CYB5R3: variants seen among roughly 807,000 people sequenced by gnomAD.
CYB5R3 encodes the protein NADH-cytochrome b5 reductase 3.
A neutral mutation model predicts 36.5 loss-of-function variants in CYB5R3; 28 were observed. The ratio of observed to expected loss-of-function variants is 0.77; its 90% CI spans 0.57 to 1.05. The LOEUF is 1.05. Ranked by LOEUF, CYB5R3 falls within the 50% of genes least tolerant of loss-of-function variation. The probability of loss-of-function intolerance (pLI) is 0.00; values close to 1 mark genes in which losing one functional copy is unlikely to be tolerated. For missense variants in CYB5R3, 474 were observed against 408.9 expected (o/e 1.16, Z -1.37); for synonymous variants, 181 against 159.8 (o/e 1.13, Z -1.00).
chr22:42,643,211 C>T (rs907900641), intron 1 of CYB5R3, among the ~76,000 whole-genome samples: 2 of 152,296 alleles, frequency 1.3e-5, no homozygotes, highest in African/African-American at 4.8e-5. Flanking sequence ...GGTGGAGCCA[C>T]GTGTCCTGTC....
intron 5 of CYB5R3, 73 bp downstream of exon 5, chr22:42,628,079 C>G: frequency 1.2e-6 from 2 of 1,600,052 alleles, no homozygotes; most frequent in Non-Finnish European, 1.7e-6. Context: ...GGCCTGCACC[C>G]TGCACCCAGC....
rs1569320849 is a variant in CYB5R3 at position 42,630,878 on chromosome 22, T to G, written c.333+4A>C. 3.7e-6 allele frequency: 6 copies of G among 1,610,650 alleles called. No individual in the cohort carries two copies. In the South Asian group the frequency reaches 5.5e-5, roughly 15 times the overall value. ...CCTCCACAGTCATGACCCAGAGGCT[T>G]CACCTTGATGACCAGGTCCACGAAG... On this transcript the variant is annotated splice_donor_region_variant and intron_variant, in intron 4 of 8. Transcript: ENST00000352397.
intron 1 of CYB5R3, among the ~76,000 whole-genome samples, chr22:42,642,978 G>A (rs893032106): frequency 2.0e-5 from 3 of 152,200 alleles, no homozygotes; most frequent in African/African-American, 7.2e-5. Flanking sequence ...AGGAAGCTGA[G>A]AAACAAGTTC....
intron 2 of CYB5R3, among the ~76,000 whole-genome samples, chr22:42,636,076 C>T (rs551965148): frequency 1.8e-3 from 275 of 152,162 alleles, no homozygotes; most frequent in African/African-American, 6.1e-3. Context: ...TTAGGCTGGG[C>T]GCGGTGGCTC....
chr22:42,630,844 C>A, intron 4 of CYB5R3, 38 bp downstream of exon 4: 1 of 1,558,998 alleles, frequency 6.4e-7, no homozygotes, highest in Non-Finnish European at 8.8e-7. Flanking sequence ...TGGCCACCCA[C>A]CCACACCCCC....
At chr22:42,647,343 G>T (rs1022457619) in intron 1 of CYB5R3, among the ~76,000 whole-genome samples, 1 of 152,216 alleles carries the variant, frequency 6.6e-6, no homozygotes, top group African/African-American at 2.4e-5. Context: ...GGCCAAGAAC[G>T]GCGTTCACAC....
Position 42,649,323 on chromosome 22 carries a change from C to A in CYB5R3, c.-8G>T. ...GCTGAGCTGGGCCCCCATGGTGGCC[C>A]CGCGCCGCGCTCGCTCTGTCGCCGC... On this transcript the variant is annotated 5_prime_UTR_variant, in exon 1 of 9. Transcript: ENST00000352397. The A allele has an allele frequency of 9.8e-7, 1 of 1,016,434 alleles. No individual in the cohort carries two copies. Among genetic ancestry groups the A allele is most frequent in the Non-Finnish European group, 1.2e-6 (1 of 843,418 alleles). 63.0% of individuals were successfully genotyped at this position (1,016,434 alleles called of 1,614,324 possible).
intron 4 of CYB5R3, among the ~76,000 whole-genome samples, chr22:42,629,442 T>C (rs1928490536): frequency 6.6e-6 from 1 of 152,216 alleles, no homozygotes; most frequent in African/African-American, 2.4e-5. Flanking sequence ...CCATCCCTGG[T>C]GGCCCTTCTG....
chr22:42,647,718 CA>C (rs200767974), intron 1 of CYB5R3, among the ~76,000 whole-genome samples: 8 of 143,330 alleles, frequency 5.6e-5, no homozygotes, highest in South Asian at 2.2e-4. Context: ...GACTCCATCT[CA>C]AAAAAAAAAA....
chr22:42,627,734 T>A, intron 5 of CYB5R3, 46 bp from the exon 6 acceptor site: 1 of 1,432,426 alleles, frequency 7.0e-7, no homozygotes, highest in Non-Finnish European at 9.9e-7. Flanking sequence ...ACATGCCATG[T>A]GTGGTGGCTG....
intron 8 of CYB5R3, among the ~76,000 whole-genome samples, chr22:42,622,785 A>G (rs964142472): frequency 6.6e-6 from 1 of 152,214 alleles, no homozygotes; most frequent in Non-Finnish European, 1.5e-5. Flanking sequence ...GCCCCCCACC[A>G]TGGATTAGTC....
At chr22:42,639,819 C>G in intron 1 of CYB5R3, 1 of 952,502 alleles carries the variant, frequency 1.0e-6, no homozygotes, top group East Asian at 2.7e-5. Context: ...GACCCTTGAA[C>G]ATGGGTTGGA....
At chr22:42,631,219 C>T in intron 3 of CYB5R3, 159 bp downstream of exon 3, 1 of 803,354 alleles carries the variant, frequency 1.2e-6, no homozygotes, top group Non-Finnish European at 2.0e-6. Flanking sequence ...TTCCCACTCT[C>T]ATTCCAACAG....
chr22:42,627,928 C>G (rs1189728272), intron 5 of CYB5R3, among the ~76,000 whole-genome samples: 1 of 152,122 alleles, frequency 6.6e-6, no homozygotes, highest in Non-Finnish European at 1.5e-5. Flanking sequence ...TAGAGGCTGG[C>G]AGTGGGTGAG....
intron 1 of CYB5R3, among the ~76,000 whole-genome samples, chr22:42,642,708 G>A (rs1929344249): frequency 6.6e-6 from 1 of 152,230 alleles, no homozygotes; most frequent in East Asian, 1.9e-4. Context: ...AAAGTGCTGG[G>A]ATTACAGGCG....
intron 7 of CYB5R3, 66 bp downstream of exon 7, chr22:42,627,238 C>T: frequency 7.3e-7 from 1 of 1,364,994 alleles, no homozygotes; most frequent in Non-Finnish European, 1.0e-6. Context: ...GGAACAGCAC[C>T]TGACCAGGCC....
rs780033465 is a variant in CYB5R3 at position 42,627,288 on chromosome 22, G to A, written c.633+16C>T. The A allele has an allele frequency of 1.9e-6, 3 of 1,611,652 alleles. No homozygotes were observed. The South Asian group carries it at 3.3e-5, about 18-fold the overall frequency. On this transcript the variant is annotated intron_variant, in intron 7 of 8. Coordinates refer to ENST00000352397, the MANE Select transcript of CYB5R3 (RefSeq NM_000398.7). Reference sequence around the variant, plus strand: ...AGGGTAAGCTGAGTTTCCCCATCATGGGGATGCCCACTGACCTGGTTGGCA... The same window carrying A: ...AGGGTAAGCTGAGTTTCCCCATCATAGGGATGCCCACTGACCTGGTTGGCA...
In CYB5R3 at chr22:42,627,677, T is replaced by A; in HGVS notation, c.475A>T (p.Ile159Phe). The A allele has an allele frequency of 2.5e-6, 4 of 1,613,640 alleles. No homozygotes were observed. The highest frequency in any genetic ancestry group is 3.4e-6 in the Non-Finnish European group (4 of 1,179,542). ...LVYQGKGKFA[I>F]RPDKKSNPII... Reference sequence around the variant, plus strand: ...GGGTTGGACTTTTTGTCAGGTCGGATGGCGAACTTCCCTGGGGAGAGAGAA... The same window carrying A: ...GGGTTGGACTTTTTGTCAGGTCGGAAGGCGAACTTCCCTGGGGAGAGAGAA... The change falls in exon 6 of 9, where the codon ATC (isoleucine) becomes TTC (phenylalanine). Residue 159 changes from isoleucine (I) to phenylalanine (F), a missense_variant. Coordinates refer to ENST00000352397, the MANE Select transcript of CYB5R3 (RefSeq NM_000398.7).
chr22:42,623,423 A>G (rs1928089197), intron 8 of CYB5R3, among the ~76,000 whole-genome samples: 1 of 152,200 alleles, frequency 6.6e-6, no homozygotes, highest in South Asian at 2.1e-4. Flanking sequence ...ACCTGAGAGT[A>G]TGCACGCTGG....
Sources: allele counts gnomAD v4.1 joint callset (sites outside exome capture counted in the v4.1 genomes callset), GRCh38; gene constraint gnomAD v4.1.1; transcripts MANE v1.5; gene names NCBI Gene and HGNC (gene_info 2026-07-23, HGNC 2026-07-21).